MTRF1L: variants seen among roughly 807,000 people sequenced by gnomAD.
MTRF1L encodes the protein peptide chain release factor 1-like, mitochondrial.
A neutral mutation model predicts 40.0 loss-of-function variants in MTRF1L; 29 were observed. The ratio of observed to expected loss-of-function variants is 0.73; its 90% CI spans 0.54 to 0.99. MTRF1L has a LOEUF of 0.99. Among genes scored for constraint, MTRF1L ranks in the 50% least tolerant of loss-of-function variants. The pLI is 0.00. For synonymous variants in MTRF1L, 150 were observed against 175.8 expected (o/e 0.85, Z 1.16); for missense variants, 412 against 464.5 (o/e 0.89, Z 1.04).
At chr6:152,999,802 CCT>C (rs911356463) in intron 1 of MTRF1L, among the ~76,000 whole-genome samples, 2 of 152,212 alleles carry the variant, frequency 1.3e-5, no homozygotes, top group Non-Finnish European at 2.9e-5. Flanking sequence ...GTCTATTAAA[CCT>C]CTTTTTCTTA....
Position 152,998,494 on chromosome 6 carries a change from A to C in MTRF1L, c.339+56T>G, listed in dbSNP as rs189252791. 17 of 1,327,220 alleles carry C rather than the reference A, an allele frequency of 1.3e-5. No homozygotes were observed. In the East Asian group the frequency reaches 4.4e-4, roughly 34 times the overall value. 82.2% of individuals were successfully genotyped at this position (1,327,220 alleles called of 1,614,324 possible). A position where few individuals can be genotyped will look rare whatever the true frequency, so the allele number is the denominator to read the frequency against. On this transcript the variant is annotated intron_variant, in intron 2 of 6. Transcript: ENST00000367233. Reference sequence around the variant, plus strand: ...TCACTTGTTTTTATAAACCTTTAATAAACTTTAATGCCTAAGAATAGCACA... The same window carrying C: ...TCACTTGTTTTTATAAACCTTTAATCAACTTTAATGCCTAAGAATAGCACA...
At chr6:152,994,119 C>T (rs184756257) in intron 4 of MTRF1L, among the ~76,000 whole-genome samples, 32 of 152,202 alleles carry the variant, frequency 2.1e-4, no homozygotes, top group African/African-American at 7.2e-4. Context: ...TTTAATGTAA[C>T]TGGGTTATGA....
In MTRF1L at chr6:152,996,311, A is replaced by G. The variant is rs540413892; in HGVS notation, c.340-992T>C. Among the ~76,000 whole-genome samples, 13 of 152,316 alleles carry G rather than the reference A, an allele frequency of 8.5e-5. No homozygotes were observed. The South Asian group carries it at 2.7e-3, about 32-fold the overall frequency. On this transcript the variant is annotated intron_variant, in intron 2 of 6. Coordinates refer to ENST00000367233, the MANE Select transcript of MTRF1L (RefSeq NM_019041.7). ...TACTACTTTTCCATCTCTCTAGCCT[A>G]TGCCAATACAACATTATCATTCAAA...
chr6:152,992,359 C>T (rs1360891434), intron 5 of MTRF1L, among the ~76,000 whole-genome samples: 1 of 152,150 alleles, frequency 6.6e-6, no homozygotes, highest in Non-Finnish European at 1.5e-5. Flanking sequence ...GAATCAGATC[C>T]CCTCGAAGTA....
intron 2 of MTRF1L, among the ~76,000 whole-genome samples, chr6:152,997,443 T>C (rs1382281241): frequency 6.6e-6 from 1 of 152,180 alleles, no homozygotes; most frequent in Non-Finnish European, 1.5e-5. Context: ...TTTAAACAAA[T>C]TGGATCAAGA....
rs919565908 is a variant in MTRF1L at position 152,987,515 on chromosome 6, C to T, written c.*2380G>A. On this transcript the variant is annotated 3_prime_UTR_variant, in exon 7 of 7. Transcript: ENST00000367233. ...TTGTAACCAGAATTAGACAGCAAATCGGATGCAGGGGAGAAGTCAGGTGAC... is the reference window on the plus strand; with the variant it reads ...TTGTAACCAGAATTAGACAGCAAATTGGATGCAGGGGAGAAGTCAGGTGAC... 5.9e-5 allele frequency: 9 copies of T among 152,150 alleles called. No individual in the cohort carries two copies. Among genetic ancestry groups the T allele is most frequent in the East Asian group, 5.8e-4 (3 of 5,188 alleles). The allele number at this position is 152,150 out of a possible 1,614,324, so 9.4% of individuals were successfully genotyped here.
rs1396000477 is a variant in MTRF1L, at chr6:152,995,310, G to A, written c.349C>T (p.Leu117Phe). ...ITQLKHQIIL[L>F]LVPSEETDEN... is the part of the protein sequence containing the mutation. ...TCTGTTTCTTCTGAGGGAACCAAAA[G>A]TAAGATAATCTGTAAATATAAAAAT... The change falls in exon 3 of 7, where the codon CTT (leucine) becomes TTT (phenylalanine). Residue 117 changes from leucine to phenylalanine, a missense_variant. By Grantham distance (22) the Leu-to-Phe change is conservative (BLOSUM62 0). Coordinates refer to ENST00000367233, the MANE Select transcript of MTRF1L (RefSeq NM_019041.7). 6.3e-7 allele frequency: 1 copy of A among 1,580,132 alleles called. No individual in the cohort carries two copies. The highest frequency in any genetic ancestry group is 8.6e-7 in the Non-Finnish European group (1 of 1,166,734).
chr6:152,998,904 A>T (rs1778812292), intron 1 of MTRF1L, among the ~76,000 whole-genome samples: 1 of 152,184 alleles, frequency 6.6e-6, no homozygotes, highest in Non-Finnish European at 1.5e-5. Context: ...TAAAGAAGCT[A>T]AACTCTTCCA....
At position 153,002,675 on chromosome 6, in the gene MTRF1L, C is replaced by T. The variant is rs1013507816; in HGVS notation, c.11G>A (p.Arg4Gln). 7 of 1,490,634 alleles carry T rather than the reference C, an allele frequency of 4.7e-6. No homozygotes were observed. The highest frequency in any genetic ancestry group is 6.2e-6 in the Non-Finnish European group (7 of 1,125,432). The allele number at this position is 1,490,634 out of a possible 1,614,324, so 92.3% of individuals were successfully genotyped here. A position where few individuals can be genotyped will look rare whatever the true frequency, so the allele number is the denominator to read the frequency against. The change falls in exon 1 of 7, where the codon CGG becomes CAG. Residue 4 changes from arginine to glutamine, a missense_variant. By Grantham distance (43) the Arg-to-Gln change is conservative (BLOSUM62 1). Transcript: ENST00000367233. ...CCACCGGGCAGCGCCCCACAGAACC[C>T]GGGACCGCATCCTTAGTCCGAGATC... MRSRVLWGAARWLW... is the reference protein window; with the variant it reads MRSQVLWGAARWLW...
intron 5 of MTRF1L, 25 bp from the exon 6 acceptor site, chr6:152,991,346 A>G: frequency 6.5e-7 from 1 of 1,543,660 alleles, no homozygotes; most frequent in African/African-American, 1.4e-5. Flanking sequence ...GAGAATTAAA[A>G]AGTTTTAATA....
chr6:152,991,674 G>A (rs913020143), intron 5 of MTRF1L, among the ~76,000 whole-genome samples: 1 of 152,104 alleles, frequency 6.6e-6, no homozygotes, highest in Non-Finnish European at 1.5e-5. Context: ...AGCCTCCCGA[G>A]TAGCTGGGAT....
intron 3 of MTRF1L, 40 bp downstream of exon 3, chr6:152,995,096 C>T: frequency 6.5e-7 from 1 of 1,530,236 alleles, no homozygotes; most frequent in South Asian, 1.3e-5. Flanking sequence ...AACTCTTTTC[C>T]TAAACACTTT....
chr6:152,992,877 C>T lies in MTRF1L; in HGVS notation c.785G>A (p.Arg262Gln), dbSNP rs751901168. The T allele has an allele frequency of 4.5e-5, 72 of 1,611,210 alleles. No individual in the cohort carries two copies. Among genetic ancestry groups the T allele is most frequent in the South Asian group, 6.6e-5 (6 of 90,930 alleles). Reference sequence around the variant, plus strand: ...CACACCTGTTGGAAGATGAACTATCCGGACAGCACTGTCCGTGGTATTTAC... The same window carrying T: ...CACACCTGTTGGAAGATGAACTATCTGGACAGCACTGTCCGTGGTATTTAC... ...QHVNTTDSAV[R>Q]IVHLPTGVVS... The change falls in exon 5 of 7, where the codon CGG (arginine) becomes CAG (glutamine). Residue 262 changes from arginine (R) to glutamine (Q), a missense_variant. Physicochemically the swap from Arg to Gln is conservative, Grantham distance 43. Coordinates refer to ENST00000367233, the MANE Select transcript of MTRF1L (RefSeq NM_019041.7).
chr6:152,994,792 G>T, intron 3 of MTRF1L, 116 bp from the exon 4 acceptor site: 1 of 1,209,978 alleles, frequency 8.3e-7, no homozygotes. Flanking sequence ...AGATGAACAT[G>T]GAGACTGTAA....
At chr6:152,996,270 C>G (rs970564824) in intron 2 of MTRF1L, among the ~76,000 whole-genome samples, 1 of 152,146 alleles carries the variant, frequency 6.6e-6, no homozygotes, top group Admixed American at 6.5e-5. Context: ...TGACATTGGT[C>G]AGAAGCTATG....
chr6:152,993,473 A>C (rs918740234), intron 4 of MTRF1L, among the ~76,000 whole-genome samples: 1 of 152,196 alleles, frequency 6.6e-6, no homozygotes, highest in Admixed American at 6.5e-5. Context: ...ATTCCTCAAC[A>C]CACTGGGATC....
Position 153,002,667 on chromosome 6 carries a change from A to T in MTRF1L, c.19T>A (p.Trp7Arg). Residue 7 changes from tryptophan to arginine, a missense_variant, in exon 1 of 7, where the codon TGG (tryptophan) becomes AGG (arginine). Trp to Arg is a moderately radical substitution (Grantham distance 101). Transcript: ENST00000367233. MRSRVL[W>R]GAARWLWPRR... ...GGCCAGAGCCACCGGGCAGCGCCCC[A>T]CAGAACCCGGGACCGCATCCTTAGT... The T allele has an allele frequency of 6.7e-7, 1 of 1,499,930 alleles. No homozygotes were observed. Among genetic ancestry groups the T allele is most frequent in the South Asian group, 1.3e-5 (1 of 76,002 alleles). The allele number at this position is 1,499,930 out of a possible 1,614,324, so 92.9% of individuals were successfully genotyped here.
At chr6:153,001,767 C>T (rs1465028269) in intron 1 of MTRF1L, among the ~76,000 whole-genome samples, 1 of 152,218 alleles carries the variant, frequency 6.6e-6, no homozygotes, top group Non-Finnish European at 1.5e-5. Context: ...CTGCCTCCTC[C>T]CTGGCCTGTC....
chr6:152,994,690 G>A lies in MTRF1L; in HGVS notation c.524-14C>T, dbSNP rs1778652244. The A allele has an allele frequency of 6.2e-7, 1 of 1,613,604 alleles. No individual in the cohort carries two copies. The highest frequency in any genetic ancestry group is 8.5e-7 in the Non-Finnish European group (1 of 1,179,756). On this transcript the variant is annotated splice_polypyrimidine_tract_variant and intron_variant, in intron 3 of 6. Coordinates refer to ENST00000367233, the MANE Select transcript of MTRF1L (RefSeq NM_019041.7). ...GTCTAAGGCCACCTTGAAAATACAG[G>A]GAAATAGAATTATTTTTATTATTCC...
Sources: gnomAD v4.1 joint callset for allele counts (sites outside exome capture counted in the v4.1 genomes callset) on GRCh38, gnomAD v4.1.1 for gene constraint, MANE v1.5 for transcripts, NCBI Gene and HGNC (gene_info 2026-07-23, HGNC 2026-07-21) for gene names.